The following COQ3 variants were observed in gnomAD, a reference collection of about 807,000 sequenced individuals.
The protein encoded by COQ3 is coenzyme Q3, methyltransferase.
In COQ3, 29 loss-of-function variants were observed where a neutral mutation model predicts 33.1. The ratio of observed to expected loss-of-function variants is 0.88; its 90% CI spans 0.65 to 1.19. The LOEUF (loss-of-function observed/expected upper bound fraction) is 1.19. COQ3 is among the 50% of genes most tolerant of loss of function. COQ3 has a pLI of 0.00. For synonymous variants in COQ3, 173 were observed against 157.8 expected (o/e 1.10, Z -0.72); for missense variants, 437 against 430.7 (o/e 1.01, Z -0.13).
At chr6:99,377,281 CT>C (rs1562203883) in intron 4 of COQ3, 104 bp downstream of exon 4, 5 of 972,874 alleles carry the variant, frequency 5.1e-6, no homozygotes, top group East Asian at 2.7e-5. Context: ...ACATGCATTT[CT>C]TTTTTTAATG....
chr6:99,381,221 C>A (rs1229596413), intron 2 of COQ3, among the ~76,000 whole-genome samples: 1 of 152,118 alleles, frequency 6.6e-6, no homozygotes, highest in Non-Finnish European at 1.5e-5. Context: ...TAGCTGATTC[C>A]TACCTCATCC....
At chr6:99,389,510 G>C (rs1774764519) in intron 1 of COQ3, among the ~76,000 whole-genome samples, 1 of 152,092 alleles carries the variant, frequency 6.6e-6, no homozygotes, top group Admixed American at 6.6e-5. Context: ...AAAGGGTACA[G>C]TACAAAGTAT....
chr6:99,389,321 C>T (rs971589339), intron 1 of COQ3, among the ~76,000 whole-genome samples: 28 of 152,208 alleles, frequency 1.8e-4, no homozygotes, highest in African/African-American at 6.3e-4. Flanking sequence ...GACAGGCTTT[C>T]GCCATGTTGA....
chr6:99,377,524 T>C lies in COQ3; in HGVS notation c.387-39A>G, dbSNP rs770756612. Reference sequence around the variant, plus strand: ...TTCAAAACATACCAAAACAAATAATTAATTTTATCAACGAAAAGTCACAAA... The same window carrying C: ...TTCAAAACATACCAAAACAAATAATCAATTTTATCAACGAAAAGTCACAAA... On this transcript the variant is annotated intron_variant, in intron 3 of 6. Transcript: ENST00000254759. The C allele has an allele frequency of 4.9e-6, 7 of 1,436,758 alleles. No homozygotes were observed. The African/African-American group carries it at 1.0e-4, about 21-fold the overall frequency. 89.0% of individuals were successfully genotyped at this position (1,436,758 alleles called of 1,614,324 possible). A position where few individuals can be genotyped will look rare whatever the true frequency, so the allele number is the denominator to read the frequency against.
intron 1 of COQ3, among the ~76,000 whole-genome samples, chr6:99,393,242 T>G (rs1161602891): frequency 3.3e-5 from 5 of 152,152 alleles, no homozygotes; most frequent in African/African-American, 1.2e-4. Context: ...TTTACTTTCT[T>G]AACACTATAT....
At position 99,371,427 on chromosome 6, in the gene COQ3, C is replaced by A. The variant is rs1451067371; in HGVS notation, c.889+1G>T. ...TTGGAAAAAATTCTCTTAATACTTACTTGATTCCAGAATGCTCTCTAGTGT... is the reference window on the plus strand; with the variant it reads ...TTGGAAAAAATTCTCTTAATACTTAATTGATTCCAGAATGCTCTCTAGTGT... On this transcript the variant is annotated splice_donor_variant, in intron 6 of 6. Transcript: ENST00000254759. LOFTEE classifies it high-confidence loss of function. 1 of 1,577,120 alleles carries A rather than the reference C, an allele frequency of 6.3e-7. No individual in the cohort carries two copies. Among genetic ancestry groups the A allele is most frequent in the African/African-American group, 1.4e-5 (1 of 72,534 alleles).
chr6:99,387,359 G>T (rs1774680479), intron 1 of COQ3, among the ~76,000 whole-genome samples: 1 of 152,062 alleles, frequency 6.6e-6, no homozygotes, highest in Non-Finnish European at 1.5e-5. Context: ...ATTGAGATGG[G>T]AAGACTGTTT....
At chr6:99,380,079 C>A in intron 3 of COQ3, 110 bp downstream of exon 3, 3 of 982,160 alleles carry the variant, frequency 3.1e-6, no homozygotes, top group Non-Finnish European at 2.9e-6. Flanking sequence ...CCAAAGCAAA[C>A]TTAATGTGCA....
chr6:99,393,276 C>T (rs1388715445), intron 1 of COQ3, among the ~76,000 whole-genome samples: 1 of 151,582 alleles, frequency 6.6e-6, no homozygotes, highest in Non-Finnish European at 1.5e-5. Flanking sequence ...CATGTGGGTA[C>T]AAATAGATTT....
At chr6:99,372,567 G>T (rs1225939465) in intron 5 of COQ3, among the ~76,000 whole-genome samples, 3 of 151,870 alleles carry the variant, frequency 2.0e-5, no homozygotes, top group Non-Finnish European at 4.4e-5. Context: ...ACAGGTGCCT[G>T]CCACCACGCC....
intron 3 of COQ3, among the ~76,000 whole-genome samples, chr6:99,379,314 A>G (rs1163892753): frequency 6.6e-6 from 1 of 152,224 alleles, no homozygotes; most frequent in Non-Finnish European, 1.5e-5. Flanking sequence ...TTAAGTGAGA[A>G]TTCTCACGTT....
At position 99,369,720 on chromosome 6, in the gene COQ3, A is replaced by G; in HGVS notation, c.990T>C (p.Ala330=). 1 of 1,613,832 alleles carries G rather than the reference A, an allele frequency of 6.2e-7. No individual in the cohort carries two copies. The highest frequency in any genetic ancestry group is 8.5e-7 in the Non-Finnish European group (1 of 1,179,744). Residue 330 remains alanine (A), a synonymous_variant, in exon 7 of 7, where the codon GCT becomes GCC. Coordinates refer to ENST00000254759, the MANE Select transcript of COQ3 (RefSeq NM_017421.4). Reference sequence around the variant, plus strand: ...GGTGTTCCTGGACCCTGGATTTCACAGCATAAGCTGCATAGTTAAGGCTGG... The same window carrying G: ...GGTGTTCCTGGACCCTGGATTTCACGGCATAAGCTGCATAGTTAAGGCTGG... ...ENTSLNYAAY[A]VKSRVQEHPA... is the part of the protein sequence containing the mutation.
intron 5 of COQ3, 60 bp downstream of exon 5, chr6:99,375,880 A>T: frequency 6.3e-7 from 1 of 1,581,968 alleles, no homozygotes; most frequent in Non-Finnish European, 8.6e-7. Context: ...TTTTATTGCT[A>T]TAGATACAAA....
intron 3 of COQ3, among the ~76,000 whole-genome samples, chr6:99,378,718 C>T (rs575197032): frequency 9.9e-4 from 150 of 152,266 alleles, no homozygotes; most frequent in South Asian, 7.3e-3. Context: ...AGTGTTCTAG[C>T]TTACAAGAAT....
intron 2 of COQ3, among the ~76,000 whole-genome samples, chr6:99,382,539 C>T (rs1582725669): frequency 6.6e-6 from 1 of 152,264 alleles, no homozygotes; most frequent in South Asian, 2.1e-4. Context: ...TGCAAAGCCT[C>T]AGTAATCAAG....
chr6:99,388,911 A>G (rs1315709524), intron 1 of COQ3, among the ~76,000 whole-genome samples: 1 of 148,970 alleles, frequency 6.7e-6, no homozygotes, highest in African/African-American at 2.4e-5. Flanking sequence ...ACACACACAC[A>G]CACACACACA....
chr6:99,376,022 A>C lies in COQ3; in HGVS notation c.647T>G (p.Phe216Cys), dbSNP rs202197433. 2 of 1,614,098 alleles carry C rather than the reference A, an allele frequency of 1.2e-6. No homozygotes were observed. The highest frequency in any genetic ancestry group is 1.7e-6 in the Non-Finnish European group (2 of 1,179,942). Residue 216 changes from phenylalanine (F) to cysteine (C), a missense_variant, in exon 5 of 7, where the codon TTT (phenylalanine) becomes TGT (cysteine). Physicochemically the swap from Phe to Cys is radical, Grantham distance 205 (BLOSUM62 -2). Coordinates refer to ENST00000254759, the MANE Select transcript of COQ3 (RefSeq NM_017421.4). ...EEIVEETAETFDAVVASEVVE... is the reference protein window; with the variant it reads ...EEIVEETAETCDAVVASEVVE... The stretch of plus-strand genomic sequence containing the variant: ...AACTTCAGAAGCTACAACAGCATCA[A>C]ATGTTTCTGCAGTCTCTTCCACAAT...
At chr6:99,375,724 T>C (rs9494255) in intron 5 of COQ3, among the ~76,000 whole-genome samples, 3,806 of 152,116 alleles carry the variant, frequency 0.025, 182 homozygotes, top group African/African-American at 0.088. Flanking sequence ...ATCCAAGATA[T>C]TAATAGGACA....
chr6:99,392,571 C>A (rs780975738), intron 1 of COQ3, among the ~76,000 whole-genome samples: 108 of 152,234 alleles, frequency 7.1e-4, no homozygotes, highest in Middle Eastern at 6.8e-3. Context: ...AGGAACCTTG[C>A]AGTTTCTCAC....
Sources: gnomAD v4.1 joint callset for allele counts (sites outside exome capture counted in the v4.1 genomes callset) on GRCh38, gnomAD v4.1.1 for gene constraint, MANE v1.5 for transcripts, NCBI Gene and HGNC (gene_info 2026-07-23, HGNC 2026-07-21) for gene names.